AFF2: variants seen among roughly 807,000 people sequenced by gnomAD.
The protein encoded by AFF2 is AF4/FMR2 family member 2.
Under a neutral mutation model 76.9 loss-of-function variants are expected in AFF2, and 14 were observed. The observed-to-expected ratio is 0.18, with a 90% confidence interval of 0.12 to 0.28. The LOEUF is 0.28. Ranked by LOEUF, AFF2 falls within the 10% of genes least tolerant of loss-of-function variation. The probability of loss-of-function intolerance (pLI) is 1.00; values close to 1 mark genes in which losing one functional copy is unlikely to be tolerated. For synonymous variants in AFF2, 398 were observed against 366.7 expected, an observed-to-expected ratio of 1.09 and a Z score of -0.98; for missense variants, 868 against 1,001.1, an observed-to-expected ratio of 0.87 and a Z score of 1.79.
chrX:148,872,213 A>C (rs2070985390), intron 7 of AFF2, among the ~76,000 whole-genome samples: 1 of 111,581 alleles, frequency 9.0e-6, no homozygotes, highest in African/African-American at 3.3e-5. Context: ...TGAAACCATC[A>C]CCACTGTCTA....
chrX:148,769,164 A>G (rs1200039452), intron 3 of AFF2, among the ~76,000 whole-genome samples: 3 of 111,781 alleles, frequency 2.7e-5, no homozygotes, highest in Non-Finnish European at 5.6e-5. Context: ...TGGTAGATGA[A>G]AAATGATATT....
intron 9 of AFF2, among the ~76,000 whole-genome samples, chrX:148,907,403 C>T (rs952917994): frequency 1.8e-5 from 2 of 111,533 alleles, no homozygotes; most frequent in African/African-American, 3.3e-5. Context: ...CCAGTCCTGT[C>T]GGGCGAAATT....
At chrX:148,984,202 G>T (rs1276243088) in intron 19 of AFF2, among the ~76,000 whole-genome samples, 2 of 110,807 alleles carry the variant, frequency 1.8e-5, no homozygotes, top group Admixed American at 9.6e-5. Context: ...TCCAAGCATA[G>T]GGATGGCAGC....
Position 148,843,395 on chromosome X carries a change from A to T in AFF2, c.1224A>T (p.Pro408=). 8.3e-7 allele frequency: 1 copy of T among 1,209,481 alleles called. No homozygotes were observed. The highest frequency in any genetic ancestry group is 1.7e-5 in the African/African-American group (1 of 57,712). Residue 408 remains proline (P), a synonymous_variant, in exon 7 of 21, where the codon CCA becomes CCT. Transcript: ENST00000370460. ...TTTTCTTTTCAGAGTGGAATGACCC[A>T]ACCACCAGAGCTTCTACAAAGTCAG... ...PGFTLQKWND[P]TTRASTKSVS... is the part of the protein sequence containing the mutation.
At chrX:148,811,283 C>G (rs1291461449) in intron 4 of AFF2, among the ~76,000 whole-genome samples, 1 of 111,229 alleles carries the variant, frequency 9.0e-6, no homozygotes, top group African/African-American at 3.3e-5. Flanking sequence ...GAAAAATTGT[C>G]TTCCATGAAA....
At chrX:148,761,463 TTTTG>T (rs1241254120) in intron 3 of AFF2, among the ~76,000 whole-genome samples, 37 of 92,608 alleles carry the variant, frequency 4.0e-4, no homozygotes, top group Middle Eastern at 5.1e-3. Flanking sequence ...CTCCAGTTTT[TTTTG>T]TTTTTTTTTT....
intron 7 of AFF2, among the ~76,000 whole-genome samples, chrX:148,866,531 G>A (rs1377090088): frequency 1.8e-5 from 2 of 112,154 alleles, no homozygotes; most frequent in Non-Finnish European, 3.8e-5. Flanking sequence ...TCTGTAAAAT[G>A]GCAAAATGCC....
At chrX:148,895,558 TGTGA>T (rs1281836202) in intron 8 of AFF2, among the ~76,000 whole-genome samples, 3 of 48,918 alleles carry the variant, frequency 6.1e-5, no homozygotes, top group East Asian at 1.0e-3. Flanking sequence ...CAGTGTACTC[TGTGA>T]GTGAGTGAGT....
At chrX:148,562,135 T>C (rs1366256448) in intron 1 of AFF2, among the ~76,000 whole-genome samples, 1 of 112,469 alleles carries the variant, frequency 8.9e-6, no homozygotes, top group Non-Finnish European at 1.9e-5. Flanking sequence ...ACAACAGTTA[T>C]GCCAGCAAAT....
chrX:148,608,059 G>A (rs1042674950), intron 1 of AFF2, among the ~76,000 whole-genome samples: 10 of 112,156 alleles, frequency 8.9e-5, no homozygotes, highest in African/African-American at 3.2e-4. Context: ...AGAAGTCAGT[G>A]TAGAGCTATA....
At position 148,997,557 on chromosome X, in the gene AFF2, C is replaced by T. The variant is rs889061548; in HGVS notation, c.*6225C>T. The T allele has an allele frequency of 8.0e-5, 9 of 112,350 alleles. No individual in the cohort carries two copies. The highest frequency in any genetic ancestry group is 1.3e-4 in the Non-Finnish European group (7 of 53,299). 9.3% of individuals were successfully genotyped at this position (112,350 alleles called of 1,213,427 possible). ...CCCTGGAGGAGATCCATGTCTTACTCGCTCTTTCTGGCCCTTCTGTCTTTT... is the reference window on the plus strand; with the variant it reads ...CCCTGGAGGAGATCCATGTCTTACTTGCTCTTTCTGGCCCTTCTGTCTTTT... On this transcript the variant is annotated 3_prime_UTR_variant, in exon 21 of 21. Coordinates refer to ENST00000370460, the MANE Select transcript of AFF2 (RefSeq NM_002025.4).
chrX:148,772,530 C>T (rs1177098453), intron 3 of AFF2, among the ~76,000 whole-genome samples: 7 of 68,584 alleles, frequency 1.0e-4, no homozygotes, highest in Admixed American at 2.1e-4. Context: ...TCTTTTTTTT[C>T]TTTCTTTCTT....
chrX:148,580,380 T>A (rs1326425147), intron 1 of AFF2, among the ~76,000 whole-genome samples: 2 of 111,341 alleles, frequency 1.8e-5, no homozygotes, highest in East Asian at 5.7e-4. Context: ...ATTGGATATT[T>A]ATTTAAGGGG....
intron 7 of AFF2, among the ~76,000 whole-genome samples, chrX:148,871,399 G>A (rs2070974160): frequency 9.0e-6 from 1 of 111,238 alleles, no homozygotes; most frequent in Non-Finnish European, 1.9e-5. Context: ...TGCAACCCAG[G>A]CAGTCTGCAC....
At chrX:148,795,751 C>T (rs1320090495) in intron 3 of AFF2, among the ~76,000 whole-genome samples, 2 of 79,258 alleles carry the variant, frequency 2.5e-5, no homozygotes, top group South Asian at 8.0e-4. Context: ...TGCAGTGAGC[C>T]GAGATCCCGC....
chrX:148,930,908 AT>A, intron 9 of AFF2, among the ~76,000 whole-genome samples: 4 of 111,854 alleles, frequency 3.6e-5, no homozygotes, highest in Non-Finnish European at 7.5e-5. Context: ...GGTTTCATTC[AT>A]TTCATCAAAT....
chrX:148,648,502 C>T (rs1298038124), intron 1 of AFF2, among the ~76,000 whole-genome samples: 4 of 93,777 alleles, frequency 4.3e-5, no homozygotes, highest in African/African-American at 1.7e-4. Context: ...GTGGATGTTG[C>T]AGTGAGCTGA....
intron 3 of AFF2, among the ~76,000 whole-genome samples, chrX:148,668,552 C>T (rs781853518): frequency 3.5e-5 from 4 of 112,746 alleles, no homozygotes; most frequent in Admixed American, 9.3e-5. Flanking sequence ...GGTTCCCAAA[C>T]GTCAGTTCTT....
intron 5 of AFF2, among the ~76,000 whole-genome samples, 195 bp downstream of exon 5, chrX:148,837,928 G>A (rs782118408): frequency 6.3e-5 from 7 of 111,765 alleles, no homozygotes; most frequent in African/African-American, 2.3e-4. Context: ...CACAGATACC[G>A]GCATGCGTGT....
Sources: gnomAD v4.1 joint callset for allele counts (sites outside exome capture counted in the v4.1 genomes callset) on GRCh38, gnomAD v4.1.1 for gene constraint, MANE v1.5 for transcripts, NCBI Gene and HGNC (gene_info 2026-07-23, HGNC 2026-07-21) for gene names.